RMDN2: variants seen among roughly 807,000 people sequenced by gnomAD.
RMDN2 encodes the protein regulator of microtubule dynamics 2, also known as regulator of microtubule dynamics protein 2.
A neutral mutation model predicts 52.8 loss-of-function variants in RMDN2; 61 were observed. That is an observed-to-expected ratio of 1.16 (90% CI 0.94 to 1.43). RMDN2 has a LOEUF of 1.43. Ranked by LOEUF, RMDN2 falls within the 40% of genes most tolerant of loss-of-function variation. The pLI, the probability that RMDN2 is intolerant of heterozygous loss-of-function variation, is 0.00. For synonymous variants in RMDN2, 180 were observed against 153.1 expected (o/e 1.18, Z -1.30); for missense variants, 592 against 475.3 (o/e 1.25, Z -2.28).
chr2:38,000,929 A>G lies in RMDN2; in HGVS notation c.1045-3062A>G, dbSNP rs79410260. Among the ~76,000 whole-genome samples the G allele has an allele frequency of 2.3e-3, 351 of 152,308 alleles. 3 individuals are homozygous for G. The highest frequency in any genetic ancestry group is 7.9e-3 in the African/African-American group (330 of 41,570). On this transcript the variant is annotated intron_variant, in intron 8 of 10. Coordinates refer to ENST00000354545, the MANE Select transcript of RMDN2 (RefSeq NM_001170791.3). ...CAGTGTTTTTAAAGATCATAAAACT[A>G]TTGATTCCAATGGCAGCTGCTGGCA...
chr2:37,990,179 T>A (rs370077689), intron 6 of RMDN2, among the ~76,000 whole-genome samples: 1 of 149,464 alleles, frequency 6.7e-6, no homozygotes, highest in East Asian at 2.0e-4. Context: ...TTAGTCCAGA[T>A]TCTGAAAGAA....
chr2:37,992,713 A>G (rs1674970217), intron 7 of RMDN2, among the ~76,000 whole-genome samples: 1 of 152,242 alleles, frequency 6.6e-6, no homozygotes, highest in Admixed American at 6.5e-5. Flanking sequence ...AAGTACAAAA[A>G]AAACAAAGAA....
chr2:38,049,768 G>T (rs750671122), intron 10 of RMDN2, among the ~76,000 whole-genome samples: 17 of 152,020 alleles, frequency 1.1e-4, no homozygotes, highest in Non-Finnish European at 2.1e-4. Flanking sequence ...TGGGGTCTTG[G>T]TATGTTGCCA....
At chr2:38,046,204 G>A (rs543032852) in intron 10 of RMDN2, among the ~76,000 whole-genome samples, 1 of 152,186 alleles carries the variant, frequency 6.6e-6, no homozygotes, top group Non-Finnish European at 1.5e-5. Flanking sequence ...GGGCAGACTT[G>A]TAAACTGTCT....
intron 5 of RMDN2, among the ~76,000 whole-genome samples, chr2:37,986,412 G>A (rs978134693): frequency 6.6e-6 from 1 of 152,126 alleles, no homozygotes; most frequent in Non-Finnish European, 1.5e-5. Context: ...TAAGATAGAA[G>A]TAGAGGGTAC....
chr2:38,017,215 A>C lies in RMDN2; in HGVS notation c.1209A>C (p.Lys403Asn). Reference sequence around the variant, plus strand: ...AAGAGGCACAGAAAGAGATGCAAAAAATAATGACTTCCTTGAAGAGGTAAA... The same window carrying C: ...AAGAGGCACAGAAAGAGATGCAAAACATAATGACTTCCTTGAAGAGGTAAA... ...EDKEAQKEMQ[K>N]IMTSLKR Residue 403 changes from lysine (K) to asparagine (N), a missense_variant, in exon 11 of 11, where the codon AAA becomes AAC. Physicochemically the swap from Lys to Asn is moderately conservative, Grantham distance 94. Coordinates refer to ENST00000354545, the MANE Select transcript of RMDN2 (RefSeq NM_001170791.3). 3.9e-6 allele frequency: 6 copies of C among 1,534,698 alleles called. No homozygotes were observed. The highest frequency in any genetic ancestry group is 4.4e-6 in the Non-Finnish European group (5 of 1,138,578).
At chr2:37,993,397 A>T (rs7560739) in intron 7 of RMDN2, among the ~76,000 whole-genome samples, 92,362 of 152,010 alleles carry the variant, frequency 0.61, 30,129 homozygotes, top group East Asian at 0.89. Context: ...GTGTAAAGAA[A>T]GTTTCCAGCA....
At chr2:37,942,620 A>G (rs868350945) in intron 2 of RMDN2, among the ~76,000 whole-genome samples, 1 of 152,182 alleles carries the variant, frequency 6.6e-6, no homozygotes, top group East Asian at 1.9e-4. Context: ...CCTGATGAAG[A>G]TGAAATCGTA....
intron 10 of RMDN2, among the ~76,000 whole-genome samples, chr2:38,038,477 G>A (rs1048406172): frequency 1.3e-5 from 2 of 152,158 alleles, no homozygotes; most frequent in Admixed American, 6.5e-5. Context: ...GGGAAACTCC[G>A]AACTGTCTCC....
At chr2:38,022,516 G>A (rs1679468266), downstream of RMDN2, among the ~76,000 whole-genome samples, 1 of 152,192 alleles carries the variant, frequency 6.6e-6, no homozygotes. Context: ...AAGAGACTTC[G>A]TGTACAACTT....
intron 10 of RMDN2, among the ~76,000 whole-genome samples, chr2:38,023,868 C>T (rs971725730): frequency 2.6e-5 from 4 of 152,220 alleles, no homozygotes; most frequent in African/African-American, 9.7e-5. Context: ...ACGAAACCAT[C>T]ACCACAGTTA....
intron 2 of RMDN2, among the ~76,000 whole-genome samples, chr2:37,937,100 A>C (rs1667360150): frequency 6.6e-6 from 1 of 151,832 alleles, no homozygotes; most frequent in South Asian, 2.1e-4. Flanking sequence ...GAAGGGGTCC[A>C]GTTTCAGTTT....
chr2:38,029,609 C>A (rs373125545), intron 10 of RMDN2: 2 of 145,086 alleles, frequency 1.4e-5, no homozygotes. Flanking sequence ...TCCTAAGTTT[C>A]CTTTAAAAAA....
chr2:38,063,325 T>C (rs1682133861), intron 10 of RMDN2, among the ~76,000 whole-genome samples: 1 of 152,212 alleles, frequency 6.6e-6, no homozygotes, highest in African/African-American at 2.4e-5. Flanking sequence ...TGGTGTGAGA[T>C]GGTATCTCAT....
intron 2 of RMDN2, among the ~76,000 whole-genome samples, chr2:37,949,631 C>T (rs1401033352): frequency 2.0e-5 from 3 of 152,014 alleles, no homozygotes; most frequent in Admixed American, 6.6e-5. Context: ...GTATGGTGAA[C>T]GTTAGAGAGC....
intron 10 of RMDN2, among the ~76,000 whole-genome samples, chr2:38,031,662 A>G (rs749424635): frequency 6.6e-6 from 1 of 152,170 alleles, no homozygotes; most frequent in Non-Finnish European, 1.5e-5. Flanking sequence ...CATTCACTCA[A>G]CTAAGTATTA....
At chr2:37,995,466 T>G (rs868039496) in intron 7 of RMDN2, among the ~76,000 whole-genome samples, 4 of 152,170 alleles carry the variant, frequency 2.6e-5, no homozygotes, top group South Asian at 4.1e-4. Context: ...TATAAACTAG[T>G]GTGCTTGTAA....
At position 37,944,488 on chromosome 2, in the gene RMDN2, C is replaced by T. The variant is rs75531097; in HGVS notation, c.452+14759C>T. 1.0e-3 allele frequency among the ~76,000 whole-genome samples: 158 copies of T among 152,216 alleles called. 2 individuals carry two copies. The East Asian group carries it at 0.026, about 25-fold the overall frequency. On this transcript the variant is annotated intron_variant, in intron 2 of 10. Coordinates refer to ENST00000354545, the MANE Select transcript of RMDN2 (RefSeq NM_001170791.3). ...AAAACAGGTGGCTGGTAGATTAGGC[C>T]CACAGGGTGTAGTTTGCCAACCTCT...
At chr2:37,930,350 CTCTTT>C (rs375136994) in intron 2 of RMDN2, among the ~76,000 whole-genome samples, 9 of 152,316 alleles carry the variant, frequency 5.9e-5, no homozygotes, top group African/African-American at 1.9e-4. Flanking sequence ...GTGGCTAGGT[CTCTTT>C]TCTTTTCTTT....
Sources: allele counts gnomAD v4.1 joint callset (sites outside exome capture counted in the v4.1 genomes callset), GRCh38; gene constraint gnomAD v4.1.1; transcripts MANE v1.5; gene names NCBI Gene and HGNC (gene_info 2026-07-23, HGNC 2026-07-21).